Variants in EXOC2 observed in about 807,000 individuals in gnomAD.
EXOC2 encodes SEC5-like 1.
A neutral mutation model predicts 131.8 loss-of-function variants in EXOC2; 70 were observed. The observed-to-expected ratio is 0.53, with a 90% CI of 0.44 to 0.65. The LOEUF is 0.65. EXOC2 is among the 30% of genes least tolerant of loss of function. EXOC2 has a pLI of 0.00. For missense variants in EXOC2, 923 were observed against 1,108.6 expected, an observed-to-expected ratio of 0.83 and a Z score of 2.38; for synonymous variants, 411 against 398.4, an observed-to-expected ratio of 1.03 and a Z score of -0.38.
At chr6:565,251 A>G (rs1269843487) in intron 13 of EXOC2, among the ~76,000 whole-genome samples, 2 of 152,232 alleles carry the variant, frequency 1.3e-5, no homozygotes, top group African/African-American at 4.8e-5. Context: ...ACCATCAGGT[A>G]TCATACCCAC....
chr6:560,546 A>AT (rs1757644895), intron 17 of EXOC2, among the ~76,000 whole-genome samples: 3 of 152,222 alleles, frequency 2.0e-5, no homozygotes, highest in Admixed American at 2.0e-4. Context: ...CAGGTAGTGC[A>AT]TGTAAAACGT....
chr6:619,335 A>C, intron 5 of EXOC2, 95 bp downstream of exon 5: 1 of 944,504 alleles, frequency 1.1e-6, no homozygotes, highest in East Asian at 2.4e-5. Context: ...ATGTAACTGT[A>C]TGCAGAGCCA....
At chr6:546,122 T>A (rs1292930917) in intron 22 of EXOC2, among the ~76,000 whole-genome samples, 1 of 151,724 alleles carries the variant, frequency 6.6e-6, no homozygotes, top group Admixed American at 6.6e-5. Flanking sequence ...TAATTTTTAT[T>A]TTTTTTTAGA....
intron 4 of EXOC2, among the ~76,000 whole-genome samples, chr6:623,978 A>G (rs1475931971): frequency 6.6e-6 from 1 of 152,098 alleles, no homozygotes; most frequent in Non-Finnish European, 1.5e-5. Flanking sequence ...GACTCAACCA[A>G]CCTTTGGAGT....
chr6:512,071 T>C (rs9392616), intron 23 of EXOC2, among the ~76,000 whole-genome samples: 9,453 of 152,282 alleles, frequency 0.062, 684 homozygotes, highest in East Asian at 0.27. Flanking sequence ...AAGGTGCATA[T>C]ACACACACAG....
At chr6:557,028 T>C (rs1757451166) in intron 17 of EXOC2, among the ~76,000 whole-genome samples, 1 of 152,222 alleles carries the variant, frequency 6.6e-6, no homozygotes, top group Non-Finnish European at 1.5e-5. Context: ...TTATATCAGA[T>C]AGATTGTAAA....
chr6:561,276 C>T (rs1025005349), intron 17 of EXOC2, among the ~76,000 whole-genome samples: 8 of 152,080 alleles, frequency 5.3e-5, no homozygotes, highest in African/African-American at 1.9e-4. Context: ...CCTTCATGCC[C>T]CAGGTTCTGC....
intron 1 of EXOC2, chr6:656,647 G>T: frequency 6.2e-7 from 1 of 1,607,318 alleles, no homozygotes; most frequent in Non-Finnish European, 8.5e-7. Context: ...TGCAGCTTCA[G>T]GGAGGACGCG....
intron 2 of EXOC2, 53 bp downstream of exon 2, chr6:637,648 T>C: frequency 7.2e-7 from 1 of 1,382,168 alleles, no homozygotes; most frequent in South Asian, 1.3e-5. Flanking sequence ...TTGTCTCCCT[T>C]GTCCACATAA....
intron 17 of EXOC2, among the ~76,000 whole-genome samples, chr6:559,782 C>A (rs1412604095): frequency 6.6e-6 from 1 of 152,182 alleles, no homozygotes; most frequent in East Asian, 1.9e-4. Context: ...ACCACGTGTA[C>A]CCGAGGCACT....
chr6:632,547 A>G (rs1761907437), intron 3 of EXOC2, among the ~76,000 whole-genome samples: 1 of 152,196 alleles, frequency 6.6e-6, no homozygotes, highest in South Asian at 2.1e-4. Context: ...ATGAAGGAAA[A>G]GGGAATATTA....
intron 21 of EXOC2, among the ~76,000 whole-genome samples, chr6:549,802 A>G (rs1044650222): frequency 1.3e-5 from 2 of 152,210 alleles, no homozygotes; most frequent in South Asian, 2.1e-4. Flanking sequence ...ACCTTAGGGC[A>G]TTAAGAATTG....
chr6:604,392 C>T (rs546563089), intron 7 of EXOC2, among the ~76,000 whole-genome samples: 3 of 152,190 alleles, frequency 2.0e-5, no homozygotes, highest in African/African-American at 7.2e-5. Context: ...TCCATTACTA[C>T]ACACATTACT....
At chr6:624,447 T>C (rs979538207) in intron 4 of EXOC2, among the ~76,000 whole-genome samples, 14 of 152,232 alleles carry the variant, frequency 9.2e-5, no homozygotes, top group African/African-American at 2.9e-4. Flanking sequence ...ACATGATAAA[T>C]GCTCAAAAAT....
chr6:651,656 A>AAAATAAAT lies in EXOC2; in HGVS notation c.-43-13803_-43-13796dup, dbSNP rs55863606. On this transcript the variant is annotated intron_variant, in intron 1 of 27. Coordinates refer to ENST00000230449, the MANE Select transcript of EXOC2 (RefSeq NM_018303.6). ...CAACAGAGCAAGACTCCGTCTCAGAAAAATAAATAAATAAATAAATAAATA... is the reference window on the plus strand; with the variant it reads ...CAACAGAGCAAGACTCCGTCTCAGAAAAATAAATAAATAAATAAATAAATAAATAAATA... Among the ~76,000 whole-genome samples, 1,459 of 147,108 alleles carry AAAATAAAT rather than the reference A, an allele frequency of 9.9e-3. 13 individuals are homozygous for AAAATAAAT. Among genetic ancestry groups the AAAATAAAT allele is most frequent in the East Asian group, 0.042 (205 of 4,872 alleles).
At chr6:525,791 ATT>A (rs1052956749) in intron 23 of EXOC2, among the ~76,000 whole-genome samples, 1 of 152,192 alleles carries the variant, frequency 6.6e-6, no homozygotes, top group African/African-American at 2.4e-5. Flanking sequence ...AAATAGATAC[ATT>A]GTCTTTTTCA....
intron 25 of EXOC2, among the ~76,000 whole-genome samples, chr6:494,385 T>C (rs1763600344): frequency 6.6e-6 from 1 of 152,036 alleles, no homozygotes; most frequent in Non-Finnish European, 1.5e-5. Context: ...CTCAGTCCTG[T>C]AGTTCTGATC....
intron 7 of EXOC2, among the ~76,000 whole-genome samples, chr6:607,085 C>T (rs962435149): frequency 1.3e-5 from 2 of 152,146 alleles, no homozygotes; most frequent in African/African-American, 2.4e-5. Context: ...TACACAGCGA[C>T]GTGTGAATTA....
At chr6:517,893 C>T (rs1207006673) in intron 23 of EXOC2, among the ~76,000 whole-genome samples, 1 of 152,122 alleles carries the variant, frequency 6.6e-6, no homozygotes, top group African/African-American at 2.4e-5. Context: ...AGAAAATCTA[C>T]AGAACAAAAA....
Sources: gnomAD v4.1 joint callset for allele counts (sites outside exome capture counted in the v4.1 genomes callset) on GRCh38, gnomAD v4.1.1 for gene constraint, MANE v1.5 for transcripts, NCBI Gene and HGNC (gene_info 2026-07-23, HGNC 2026-07-21) for gene names.